Variants in NYAP2 observed in about 807,000 individuals in gnomAD.
NYAP2 encodes neuronal tyrosine-phosphorylated phosphoinositide-3-kinase adaptor 2.
In NYAP2, 23 loss-of-function variants were observed where a neutral mutation model predicts 50.4. The ratio of observed to expected loss-of-function variants is 0.46; its 90% confidence interval spans 0.33 to 0.65. The LOEUF is 0.65. NYAP2 is among the 30% of genes least tolerant of loss of function. The probability of loss-of-function intolerance (pLI) is 0.02; values close to 1 mark genes in which losing one functional copy is unlikely to be tolerated. For synonymous variants in NYAP2, 394 were observed against 365.2 expected (o/e 1.08, Z -0.90); for missense variants, 885 against 861.0 (o/e 1.03, Z -0.35).
chr2:225,630,806 T>C (rs2106260074), intron 6 of NYAP2, among the ~76,000 whole-genome samples: 1 of 152,338 alleles, frequency 6.6e-6, no homozygotes, highest in Middle Eastern at 3.4e-3. Flanking sequence ...GGCTTTAAAC[T>C]TGGGTGACTG....
At chr2:225,665,573 C>CTT in the NYAP2 span, among the ~76,000 whole-genome samples, 1 of 143,704 alleles carries the variant, frequency 7.0e-6, no homozygotes, top group African/African-American at 2.6e-5. Context: ...TCCCTAGCTC[C>CTT]TTTTTTTTTT....
At chr2:225,698,890 T>C in the NYAP2 span, 2 of 151,994 alleles carry the variant, frequency 1.3e-5, no homozygotes, top group African/African-American at 4.8e-5. Context: ...ATCTCTTTTA[T>C]ATGTAATCCC....
chr2:225,622,559 T>TTCTTTCTTTCTTTCTTCTTTC (rs767090288), intron 5 of NYAP2, among the ~76,000 whole-genome samples: 1 of 56,842 alleles, frequency 1.8e-5, no homozygotes, highest in Non-Finnish European at 3.5e-5. Context: ...CTTTCTTTCT[T>TTCTTTCTTTCTTTCTTCTTTC]TTTCTTTCTT....
chr2:225,414,690 T>C (rs989335751), intron 3 of NYAP2, among the ~76,000 whole-genome samples: 13 of 151,518 alleles, frequency 8.6e-5, no homozygotes, highest in Admixed American at 7.9e-4. Context: ...TTCCTTGGAG[T>C]TGACTATTTA....
chr2:225,527,142 T>C (rs1319033415), intron 4 of NYAP2, among the ~76,000 whole-genome samples: 1 of 152,196 alleles, frequency 6.6e-6, no homozygotes, highest in East Asian at 1.9e-4. Flanking sequence ...ATCTTCCTAT[T>C]AAGTTCAGCA....
At chr2:225,454,821 T>C (rs1574623515) in intron 3 of NYAP2, among the ~76,000 whole-genome samples, 1 of 152,138 alleles carries the variant, frequency 6.6e-6, no homozygotes, top group African/African-American at 2.4e-5. Flanking sequence ...AACCAGTCCC[T>C]GGTGCCAAAA....
intron 3 of NYAP2, among the ~76,000 whole-genome samples, chr2:225,440,921 A>G (rs1689459957): frequency 6.6e-6 from 1 of 152,196 alleles, no homozygotes; most frequent in South Asian, 2.1e-4. Context: ...GGCTGTCTCC[A>G]TGTCTAGAAT....
At chr2:225,625,183 G>T (rs1235805284) in intron 5 of NYAP2, among the ~76,000 whole-genome samples, 9 of 150,348 alleles carry the variant, frequency 6.0e-5, no homozygotes. Flanking sequence ...TCAGATTTTT[G>T]AAAATACTAT....
intron 5 of NYAP2, among the ~76,000 whole-genome samples, chr2:225,585,221 T>C (rs1692369221): frequency 6.6e-6 from 1 of 152,382 alleles, no homozygotes; most frequent in African/African-American, 2.4e-5. Context: ...TTTTTAAACA[T>C]TTTATTTAAA....
chr2:225,536,499 A>G (rs1329789739), intron 4 of NYAP2, among the ~76,000 whole-genome samples: 2 of 149,098 alleles, frequency 1.3e-5, no homozygotes, highest in African/African-American at 2.5e-5. Flanking sequence ...TTTGAGCTCT[A>G]TATTCTTTTT....
intron 6 of NYAP2, among the ~76,000 whole-genome samples, chr2:225,642,443 T>G (rs1574726145): frequency 6.6e-6 from 1 of 152,286 alleles, no homozygotes; most frequent in East Asian, 1.9e-4. Flanking sequence ...TAGGTACCAT[T>G]ATTTCTCCCA....
At chr2:225,632,744 A>G (rs1574720794) in intron 6 of NYAP2, among the ~76,000 whole-genome samples, 1 of 152,292 alleles carries the variant, frequency 6.6e-6, no homozygotes, top group South Asian at 2.1e-4. Flanking sequence ...CTCAGATTTC[A>G]ACCACTGAAC....
exon 7 of NYAP2, chr2:225,652,795 A>T (rs1380826507): frequency 6.6e-6 from 1 of 152,204 alleles, no homozygotes; most frequent in Non-Finnish European, 1.5e-5. Flanking sequence ...AAACATAACT[A>T]AGTAGAATAA....
At chr2:225,446,244 C>CTATA (rs1173353814) in intron 3 of NYAP2, among the ~76,000 whole-genome samples, 8 of 112,154 alleles carry the variant, frequency 7.1e-5, no homozygotes, top group Admixed American at 3.0e-4. Flanking sequence ...CTCTCTCTCT[C>CTATA]TCTATATATA....
chr2:225,627,118 A>G (rs1423961262), exon 6 of NYAP2: 1 of 1,583,448 alleles, frequency 6.3e-7, no homozygotes. Context: ...GCGGGAAACC[A>G]CAGTTCAGGT....
At chr2:225,512,796 C>CCCATCTTTCTTTTCTTTCTT (rs1559200430) in intron 3 of NYAP2, among the ~76,000 whole-genome samples, 23 of 124,530 alleles carry the variant, frequency 1.8e-4, no homozygotes, top group African/African-American at 5.6e-4. Flanking sequence ...CTTTCCCTCC[C>CCCATCTTTCTTTTCTTTCTT]TCCCTCTCTT....
At chr2:225,607,699 T>TTATC (rs1692812776) in intron 5 of NYAP2, among the ~76,000 whole-genome samples, 1 of 151,872 alleles carries the variant, frequency 6.6e-6, no homozygotes, top group Admixed American at 6.6e-5. Context: ...TATCAGTTGT[T>TTATC]TATCAAAAGA....
At chr2:225,470,123 G>A (rs1418607264) in intron 3 of NYAP2, among the ~76,000 whole-genome samples, 1 of 152,160 alleles carries the variant, frequency 6.6e-6, no homozygotes, top group Admixed American at 6.5e-5. Context: ...ATAAATGTAA[G>A]TAATTGCATT....
chr2:225,570,224 C>T (rs1294916428), intron 4 of NYAP2, among the ~76,000 whole-genome samples: 2 of 152,184 alleles, frequency 1.3e-5, no homozygotes, highest in Non-Finnish European at 2.9e-5. Context: ...AAGGGTGTTA[C>T]TGTGCTGAAT....
Sources: gnomAD v4.1 joint callset for allele counts (sites outside exome capture counted in the v4.1 genomes callset) on GRCh38, gnomAD v4.1.1 for gene constraint, MANE v1.5 for transcripts, NCBI Gene and HGNC (gene_info 2026-07-23, HGNC 2026-07-21) for gene names.